PURG: variants seen among roughly 807,000 people sequenced by gnomAD.
PURG encodes the protein purine rich element binding protein G.
Under a neutral mutation model 24.3 loss-of-function variants are expected in PURG, and 3 were observed. The observed-to-expected ratio is 0.12, with a 90% CI of 0.06 to 0.32. The LOEUF (loss-of-function observed/expected upper bound fraction) is 0.32. PURG is among the 10% of genes least tolerant of loss of function. The probability of loss-of-function intolerance (pLI) is 1.00; values close to 1 mark genes in which losing one functional copy is unlikely to be tolerated. For missense variants in PURG, 371 were observed against 439.1 expected (o/e 0.84, Z 1.39); for synonymous variants, 180 against 173.1 (o/e 1.04, Z -0.31).
intron 1 of PURG, among the ~76,000 whole-genome samples, chr8:31,018,942 A>G (rs1468518565): frequency 1.3e-5 from 2 of 150,806 alleles, no homozygotes; most frequent in Non-Finnish European, 3.0e-5. Context: ...TCTGGCTAAC[A>G]TGGTGAAAAC....
At chr8:31,023,694 T>G (rs1402436532) in intron 1 of PURG, among the ~76,000 whole-genome samples, 1 of 152,232 alleles carries the variant, frequency 6.6e-6, no homozygotes, top group East Asian at 1.9e-4. Context: ...ATGTTTAATC[T>G]TTGCATACCC....
At chr8:31,015,224 T>C (rs1248132837) in intron 1 of PURG, among the ~76,000 whole-genome samples, 1 of 152,146 alleles carries the variant, frequency 6.6e-6, no homozygotes, top group African/African-American at 2.4e-5. Context: ...GACAAAAAAG[T>C]TCTGGAGATT....
downstream of PURG, among the ~76,000 whole-genome samples, chr8:31,028,485 C>T (rs1811129747): frequency 6.6e-6 from 1 of 151,772 alleles, no homozygotes; most frequent in Admixed American, 6.6e-5. Flanking sequence ...TCTGCCTGGA[C>T]CATACAGCTT....
intron 1 of PURG, among the ~76,000 whole-genome samples, chr8:31,023,995 TC>T (rs1452633327): frequency 6.6e-6 from 1 of 152,182 alleles, no homozygotes; most frequent in Non-Finnish European, 1.5e-5. Context: ...AAAGCAATGC[TC>T]CTTCCAAATA....
At chr8:31,020,721 G>C (rs993299699) in intron 1 of PURG, among the ~76,000 whole-genome samples, 1 of 152,160 alleles carries the variant, frequency 6.6e-6, no homozygotes, top group African/African-American at 2.4e-5. Context: ...AGAAGGAGTA[G>C]CTCTCAGTCT....
intron 1 of PURG, among the ~76,000 whole-genome samples, chr8:31,002,191 G>T (rs1478628261): frequency 1.3e-5 from 2 of 152,128 alleles, no homozygotes; most frequent in Non-Finnish European, 2.9e-5. Flanking sequence ...ATTAGGGCAG[G>T]AAAGCTAAGA....
chr8:31,027,037 T>C (rs900817542), downstream of PURG, among the ~76,000 whole-genome samples: 5 of 151,746 alleles, frequency 3.3e-5, no homozygotes, highest in African/African-American at 1.2e-4. Flanking sequence ...TGAACTTCAT[T>C]GCTACAGTAT....
At chr8:31,024,313 G>A (rs74668447) in intron 1 of PURG, among the ~76,000 whole-genome samples, 1,717 of 152,114 alleles carry the variant, frequency 0.011, 16 homozygotes, top group Middle Eastern at 0.027. Flanking sequence ...TCCTTTCACA[G>A]TCCACTGATA....
intron 1 of PURG, among the ~76,000 whole-genome samples, chr8:31,016,548 A>G (rs141627254): frequency 1.3e-3 from 186 of 142,516 alleles, no homozygotes; most frequent in Non-Finnish European, 2.0e-3. Context: ...TGGAAAAACG[A>G]TATGGAAGAA....
At chr8:31,026,968 A>C (rs1423507813), downstream of PURG, among the ~76,000 whole-genome samples, 3 of 151,666 alleles carry the variant, frequency 2.0e-5, no homozygotes, top group African/African-American at 7.2e-5. Context: ...CGACAGAGTT[A>C]CTGTGATCTG....
intron 1 of PURG, among the ~76,000 whole-genome samples, chr8:31,007,403 CAG>C (rs1810674721): frequency 6.6e-6 from 1 of 152,052 alleles, no homozygotes; most frequent in African/African-American, 2.4e-5. Context: ...CTATTTTTTT[CAG>C]AGTCAAATGA....
chr8:31,026,484 T>C (rs1475230108), downstream of PURG, among the ~76,000 whole-genome samples: 9 of 151,332 alleles, frequency 5.9e-5, no homozygotes, highest in African/African-American at 1.7e-4. Flanking sequence ...TTCCTTGGTA[T>C]AGTTAATATA....
downstream of PURG, among the ~76,000 whole-genome samples, chr8:31,028,117 G>A (rs1161227863): frequency 6.6e-6 from 1 of 151,680 alleles, no homozygotes; most frequent in Non-Finnish European, 1.5e-5. Context: ...TTAACTGTCA[G>A]GGCACTGTGG....
At chr8:31,011,449 G>T (rs994156640) in intron 1 of PURG, among the ~76,000 whole-genome samples, 2 of 152,104 alleles carry the variant, frequency 1.3e-5, no homozygotes, top group African/African-American at 4.8e-5. Flanking sequence ...CAGAATTATT[G>T]TTTAAAATAG....
At position 31,032,530 on chromosome 8, in the gene PURG, G is replaced by A. The variant is rs751481697; in HGVS notation, c.253C>T (p.Leu85=). The A allele has an allele frequency of 2.4e-5, 38 of 1,614,240 alleles. No individual in the cohort carries two copies. The highest frequency in any genetic ancestry group is 3.1e-5 in the Non-Finnish European group (36 of 1,180,044). Residue 85 remains leucine (L), a synonymous_variant, in exon 2 of 2, where the codon CTA becomes TTA. Transcript: ENST00000523392. This position sits in a 1 kb window ranked among gnomAD's most constrained non-coding sequence, Gnocchi z 5.9. ...DVKQSSRGRF[L]KIAEVWIGRG... ...CCTATCCAGACTTCGGCTATCTTTAGGAAGCGGCCCCGGGAGCTTTGCTTC... is the reference window on the plus strand; with the variant it reads ...CCTATCCAGACTTCGGCTATCTTTAAGAAGCGGCCCCGGGAGCTTTGCTTC...
rs1485157912 is a variant in PURG at position 31,032,808 on chromosome 8, A to G, written c.-6-20T>C. 11 of 1,361,528 alleles carry G rather than the reference A, an allele frequency of 8.1e-6. No homozygotes were observed. The highest frequency in any genetic ancestry group is 8.6e-6 in the Non-Finnish European group (9 of 1,047,626). The allele number at this position is 1,361,528 out of a possible 1,614,324, so 84.3% of individuals were successfully genotyped here. A position where few individuals can be genotyped will look rare whatever the true frequency, so the allele number is the denominator to read the frequency against. ...CTTCAGCTGCAAGTAACAAACAGAC[A>G]CACGGGATGGGGTGGGGGAGGGGTG... On this transcript the variant is annotated intron_variant, in intron 1 of 1. Transcript: ENST00000523392. This position sits in a 1 kb window ranked among gnomAD's most constrained non-coding sequence, Gnocchi z 5.9.
At chr8:31,009,632 C>A (rs1284387784) in intron 1 of PURG, among the ~76,000 whole-genome samples, 1 of 152,160 alleles carries the variant, frequency 6.6e-6, no homozygotes, top group Non-Finnish European at 1.5e-5. Context: ...ATATTTCTAA[C>A]ATGTATTATT....
rs761281647 is a variant in PURG, at chr8:31,032,546, G to A, written c.237C>T (p.Ser79=). 1.2e-6 allele frequency: 2 copies of A among 1,614,166 alleles called. No homozygotes were observed. The highest frequency in any genetic ancestry group is 8.5e-7 in the Non-Finnish European group (1 of 1,180,028). The change falls in exon 2 of 2, where the codon AGC becomes AGT. Residue 79 remains serine, a synonymous_variant. Transcript: ENST00000523392. This position sits in a 1 kb window ranked among gnomAD's most constrained non-coding sequence, Gnocchi z 5.9. Reference sequence around the variant, plus strand: ...CTATCTTTAGGAAGCGGCCCCGGGAGCTTTGCTTCACGTCTAGGTAAAACC... The same window carrying A: ...CTATCTTTAGGAAGCGGCCCCGGGAACTTTGCTTCACGTCTAGGTAAAACC... ...KKRFYLDVKQ[S]SRGRFLKIAE...
intron 1 of PURG, among the ~76,000 whole-genome samples, chr8:31,003,588 C>T (rs1056372433): frequency 1.3e-5 from 2 of 151,956 alleles, no homozygotes; most frequent in African/African-American, 4.8e-5. Flanking sequence ...ATGGCAAAAC[C>T]CTATCTCTAC....
Sources: gnomAD v4.1 joint callset for allele counts (sites outside exome capture counted in the v4.1 genomes callset) on GRCh38, gnomAD v4.1.1 for gene constraint, Gnocchi (gnomAD v3.1) non-coding constraint, MANE v1.5 for transcripts, NCBI Gene and HGNC (gene_info 2026-07-23, HGNC 2026-07-21) for gene names.